The following CSMD1 variants were observed in gnomAD, a reference collection of about 807,000 sequenced individuals.
CSMD1 encodes the protein CUB and Sushi multiple domains 1.
Under a neutral mutation model 417.5 loss-of-function variants are expected in CSMD1, and 213 were observed. The ratio of observed to expected loss-of-function variants is 0.51; its 90% confidence interval spans 0.46 to 0.57. The LOEUF (loss-of-function observed/expected upper bound fraction) is 0.57. Among genes scored for constraint, CSMD1 ranks in the 20% least tolerant of loss-of-function variants. The pLI, the probability that CSMD1 is intolerant of heterozygous loss-of-function variation, is 0.00. For synonymous variants in CSMD1, 2,862 were observed against 1,736.8 expected (o/e 1.65, Z -16.11); for missense variants, 6,923 against 4,529.7 (o/e 1.53, Z -15.17).
At chr8:4,748,872 T>C (rs1811126912) in intron 1 of CSMD1, among the ~76,000 whole-genome samples, 1 of 152,254 alleles carries the variant, frequency 6.6e-6, no homozygotes, top group African/African-American at 2.4e-5. Flanking sequence ...GGAGAGTTAT[T>C]CAACAAAGTT....
chr8:3,442,641 CG>C (rs200131128), intron 12 of CSMD1, among the ~76,000 whole-genome samples: 1,773 of 152,086 alleles, frequency 0.012, 16 homozygotes, highest in Non-Finnish European at 0.019. Flanking sequence ...GTGCACTCCA[CG>C]ATGTTTGCAT....
chr8:4,477,323 G>C lies in CSMD1; in HGVS notation c.303-57258C>G, dbSNP rs570562471. Among the ~76,000 whole-genome samples, 4 of 152,266 alleles carry C rather than the reference G, an allele frequency of 2.6e-5. No individual in the cohort carries two copies. The South Asian group carries it at 8.3e-4, about 32-fold the overall frequency. Reference sequence around the variant, plus strand: ...TCACCGTGGGGAAGCCGAGGCGTTGGTGCTGGAAGGAGTTAGGCTGTCATG... The same window carrying C: ...TCACCGTGGGGAAGCCGAGGCGTTGCTGCTGGAAGGAGTTAGGCTGTCATG... On this transcript the variant is annotated intron_variant, in intron 2 of 69. Transcript: ENST00000635120.
chr8:4,672,885 C>A (rs953624205), intron 1 of CSMD1, among the ~76,000 whole-genome samples: 1 of 152,042 alleles, frequency 6.6e-6, no homozygotes. Flanking sequence ...ATGGAGCACA[C>A]CGAAACATGA....
chr8:4,790,708 G>A (rs1797641335), intron 1 of CSMD1, among the ~76,000 whole-genome samples: 1 of 152,090 alleles, frequency 6.6e-6, no homozygotes, highest in Non-Finnish European at 1.5e-5. Flanking sequence ...ATTTTACAAA[G>A]CCAGCAAAAA....
chr8:3,240,691 G>C (rs976152297), intron 26 of CSMD1, among the ~76,000 whole-genome samples: 1 of 152,096 alleles, frequency 6.6e-6, no homozygotes, highest in African/African-American at 2.4e-5. Context: ...AGTAAAGAAA[G>C]CAGGTTTGAG....
chr8:3,457,567 G>A (rs140519338), intron 12 of CSMD1, among the ~76,000 whole-genome samples: 9 of 152,190 alleles, frequency 5.9e-5, no homozygotes, highest in South Asian at 2.1e-4. Flanking sequence ...ATATGTACGC[G>A]GTTTAAAAAA....
chr8:3,397,174 CG>C (rs1811755460), intron 16 of CSMD1, among the ~76,000 whole-genome samples: 2 of 152,246 alleles, frequency 1.3e-5, no homozygotes, highest in South Asian at 4.2e-4. Context: ...AGAGCTAACC[CG>C]GTTTCTGAGT....
intron 2 of CSMD1, among the ~76,000 whole-genome samples, chr8:4,630,057 A>G (rs984456386): frequency 1.3e-5 from 2 of 152,182 alleles, no homozygotes; most frequent in African/African-American, 4.8e-5. Flanking sequence ...AAGCCAAGAT[A>G]TGGAAGTGAA....
chr8:4,605,106 G>C (rs528388878), intron 2 of CSMD1, among the ~76,000 whole-genome samples: 9 of 152,276 alleles, frequency 5.9e-5, no homozygotes, highest in Middle Eastern at 3.4e-3. Flanking sequence ...CTGTACCAAA[G>C]TATTTTAAAA....
intron 11 of CSMD1, among the ~76,000 whole-genome samples, chr8:3,488,033 G>A (rs1411681723): frequency 6.8e-6 from 1 of 147,926 alleles, no homozygotes; most frequent in Admixed American, 6.8e-5. Flanking sequence ...ATACTTAGAA[G>A]AGGTGACTTT....
intron 7 of CSMD1, among the ~76,000 whole-genome samples, chr8:3,654,935 G>C (rs560565322): frequency 7.9e-4 from 120 of 152,298 alleles, no homozygotes; most frequent in African/African-American, 2.6e-3. Context: ...ATCTCATCTG[G>C]CACTTCCTGC....
intron 3 of CSMD1, among the ~76,000 whole-genome samples, chr8:4,337,009 G>A (rs1294899148): frequency 2.0e-5 from 3 of 152,166 alleles, no homozygotes; most frequent in South Asian, 2.1e-4. Flanking sequence ...TGACTGGCCT[G>A]CTTACTAAAT....
intron 3 of CSMD1, among the ~76,000 whole-genome samples, chr8:4,245,702 A>G (rs1475478553): frequency 2.0e-5 from 3 of 152,124 alleles, no homozygotes; most frequent in African/African-American, 7.2e-5. Context: ...TATGTGAGGT[A>G]ATTTTTTCAA....
At chr8:3,623,783 C>G (rs892757403) in intron 7 of CSMD1, among the ~76,000 whole-genome samples, 1 of 152,098 alleles carries the variant, frequency 6.6e-6, no homozygotes, top group South Asian at 2.1e-4. Flanking sequence ...CAAGACTAGA[C>G]TGAACAACAT....
chr8:4,207,691 A>G (rs548141759), intron 3 of CSMD1, among the ~76,000 whole-genome samples: 2 of 152,250 alleles, frequency 1.3e-5, no homozygotes, highest in East Asian at 1.9e-4. Flanking sequence ...GTACATTTCA[A>G]AAGAAACATT....
At chr8:4,433,257 A>G (rs1797971113) in intron 2 of CSMD1, among the ~76,000 whole-genome samples, 1 of 152,096 alleles carries the variant, frequency 6.6e-6, no homozygotes, top group South Asian at 2.1e-4. Flanking sequence ...CATTTGAATG[A>G]CCCCGAAACC....
At chr8:3,893,773 C>T (rs1056259898) in intron 5 of CSMD1, among the ~76,000 whole-genome samples, 1 of 152,060 alleles carries the variant, frequency 6.6e-6, no homozygotes, top group Non-Finnish European at 1.5e-5. Context: ...AGAAAGCTAT[C>T]TTCAGTAAGG....
intron 3 of CSMD1, among the ~76,000 whole-genome samples, chr8:4,039,198 C>T (rs1797764585): frequency 6.6e-6 from 1 of 152,076 alleles, no homozygotes. Flanking sequence ...GAATCTAGGT[C>T]CCTTAGGGTT....
chr8:4,603,098 A>G (rs1036785049), intron 2 of CSMD1, among the ~76,000 whole-genome samples: 8 of 152,056 alleles, frequency 5.3e-5, no homozygotes, highest in Non-Finnish European at 8.8e-5. Context: ...AATAAAAATT[A>G]TATGATGAGA....
Sources: gnomAD v4.1 joint callset for allele counts (sites outside exome capture counted in the v4.1 genomes callset) on GRCh38, gnomAD v4.1.1 for gene constraint, MANE v1.5 for transcripts, NCBI Gene and HGNC (gene_info 2026-07-23, HGNC 2026-07-21) for gene names.